TEX14: variants seen among roughly 807,000 people sequenced by gnomAD.
TEX14 encodes testis expressed 14, intercellular bridge forming factor.
TEX14 carries 168 observed loss-of-function variants against 178.6 expected under a neutral mutation model. The observed-to-expected ratio is 0.94, with a 90% CI of 0.83 to 1.07. The LOEUF is 1.07. TEX14 is among the 50% of genes least tolerant of loss of function. The probability of loss-of-function intolerance (pLI) is 0.00; values close to 1 mark genes in which losing one functional copy is unlikely to be tolerated. For missense variants in TEX14, 1,730 were observed against 1,753.6 expected (o/e 0.99, Z 0.24); for synonymous variants, 626 against 634.1 (o/e 0.99, Z 0.19).
intron 21 of TEX14, among the ~76,000 whole-genome samples, 156 bp from the exon 22 acceptor site, chr17:58,574,405 C>G (rs1161670350): frequency 6.6e-6 from 1 of 152,216 alleles, no homozygotes; most frequent in South Asian, 2.1e-4. Flanking sequence ...GTGCCAGGCA[C>G]GTTGGCTCAC....
chr17:58,661,047 G>A (rs201341730), intron 1 of TEX14: 10 of 1,109,964 alleles, frequency 9.0e-6, no homozygotes, highest in African/African-American at 1.5e-5. Context: ...TTATCTGCTT[G>A]ACCACTTTCC....
chr17:58,601,854 G>A lies in TEX14; in HGVS notation c.1630C>T (p.His544Tyr). The A allele has an allele frequency of 6.2e-7, 1 of 1,613,294 alleles. No individual in the cohort carries two copies. The highest frequency in any genetic ancestry group is 8.5e-7 in the Non-Finnish European group (1 of 1,179,922). The change falls in exon 13 of 32, where the codon CAC becomes TAC. Residue 544 changes from histidine to tyrosine, a missense_variant. Physicochemically the swap from His to Tyr is moderately conservative, Grantham distance 83. This residue lies in a region of TEX14 where 789 missense variants were observed against 681.2 expected (regional missense o/e 1.16). Transcript: ENST00000349033. Reference sequence around the variant, plus strand: ...TCCATGTCAGGTGTCTCTCTGGGGTGTTCTGAAGTCAGTCCTAGATAGACA... The same window carrying A: ...TCCATGTCAGGTGTCTCTCTGGGGTATTCTGAAGTCAGTCCTAGATAGACA... ...VNVYLGLTSE[H>Y]PRETPDMEII... is the part of the protein sequence containing the mutation.
At chr17:58,659,217 A>C (rs979389059) in intron 1 of TEX14, 81 of 398,196 alleles carry the variant, frequency 2.0e-4, no homozygotes, top group Non-Finnish European at 2.7e-4. Flanking sequence ...ATTCGGGGAA[A>C]TCGCGGGAGC....
At position 58,572,006 on chromosome 17, in the gene TEX14, T is replaced by C. The variant is rs746156882; in HGVS notation, c.3632A>G (p.Asp1211Gly). 2 of 1,613,994 alleles carry C rather than the reference T, an allele frequency of 1.2e-6. No individual in the cohort carries two copies. The highest frequency in any genetic ancestry group is 1.7e-6 in the Non-Finnish European group (2 of 1,180,016). Reference sequence around the variant, plus strand: ...TGCTCTCTCTCGGACACTTATAAAGTCATCAGACAAAGTTTGAATAAATTC... The same window carrying C: ...TGCTCTCTCTCGGACACTTATAAAGCCATCAGACAAAGTTTGAATAAATTC... ...SQEFIQTLSD[D>G]FISVRERAKK... The change falls in exon 24 of 32, where the codon GAC (aspartate) becomes GGC (glycine). Residue 1211 changes from aspartate to glycine, a missense_variant. Physicochemically the swap from Asp to Gly is moderately conservative, Grantham distance 94. This residue lies in a region of TEX14 where 941 missense variants were observed against 1,072.4 expected (regional missense o/e 0.88). Transcript: ENST00000349033.
At chr17:58,613,939 T>C (rs2045810347) in intron 8 of TEX14, among the ~76,000 whole-genome samples, 3 of 151,882 alleles carry the variant, frequency 2.0e-5, no homozygotes, top group African/African-American at 7.2e-5. Flanking sequence ...AGTGCTGGGA[T>C]TACAGGCGTG....
chr17:58,587,785 C>T (rs1267712998), intron 16 of TEX14, 111 bp downstream of exon 16: 1 of 1,167,918 alleles, frequency 8.6e-7, no homozygotes, highest in Non-Finnish European at 1.3e-6. Flanking sequence ...CTGTTCCCTA[C>T]TCCCTAAGCC....
At chr17:58,630,587 T>C in intron 2 of TEX14, 33 bp from the exon 3 acceptor site, 1 of 1,507,086 alleles carries the variant, frequency 6.6e-7, no homozygotes, top group South Asian at 1.1e-5. Flanking sequence ...AATGCAAATA[T>C]CAGAAAATTT....
At chr17:58,659,254 A>G (rs1018262834) in intron 1 of TEX14, 3 of 772,138 alleles carry the variant, frequency 3.9e-6, no homozygotes, top group Admixed American at 1.2e-4. Flanking sequence ...CCCTCCCCCA[A>G]GAAAAACACT....
intron 5 of TEX14, 50 bp from the exon 6 acceptor site, chr17:58,617,669 C>A: frequency 7.4e-7 from 1 of 1,347,184 alleles, no homozygotes; most frequent in South Asian, 1.2e-5. Flanking sequence ...CCACTCATAT[C>A]CAGAATAATA....
rs56188180 is a variant in TEX14, at chr17:58,630,556, T to G, written c.137-2A>C. ...AGTTAACTGCATCAACATAAATTCC[T>G]GCAAAGGAAATATCAGAATCAATGC... On this transcript the variant is annotated splice_acceptor_variant, in intron 2 of 31. Transcript: ENST00000349033. LOFTEE classifies it high-confidence loss of function. 1.2e-6 allele frequency: 2 copies of G among 1,608,196 alleles called. No homozygotes were observed. The highest frequency in any genetic ancestry group is 1.7e-6 in the Non-Finnish European group (2 of 1,174,740).
chr17:58,579,850 T>A, intron 19 of TEX14, 119 bp from the exon 20 acceptor site: 3 of 814,944 alleles, frequency 3.7e-6, no homozygotes, highest in East Asian at 5.1e-5. Context: ...CCCTGCATCT[T>A]TATAGAAAAA....
At position 58,564,956 on chromosome 17, in the gene TEX14, A is replaced by C. The variant is rs1567989966; in HGVS notation, c.3977T>G (p.Leu1326Ter). 2 of 1,595,822 alleles carry C rather than the reference A, an allele frequency of 1.3e-6. No homozygotes were observed. The highest frequency in any genetic ancestry group is 8.5e-7 in the Non-Finnish European group (1 of 1,170,232). ...TTTACTGTCAGTTTCTTGTTCTTCTAAGTGCCTTTGATCTAAAAACAGTTG... is the reference window on the plus strand; with the variant it reads ...TTTACTGTCAGTTTCTTGTTCTTCTCAGTGCCTTTGATCTAAAAACAGTTG... ...GGGTANDQRH[L>*]EEQETDSKKE... is the part of the protein sequence containing the mutation. The change falls in exon 28 of 32, where the codon TTA becomes TGA. Residue 1326 changes from leucine to a stop codon, truncating the protein, a stop_gained. Coordinates refer to ENST00000349033, the MANE Select transcript of TEX14 (RefSeq NM_031272.5). LOFTEE classifies it high-confidence loss of function.
At chr17:58,584,980 C>T (rs894635180) in intron 18 of TEX14, among the ~76,000 whole-genome samples, 3 of 152,040 alleles carry the variant, frequency 2.0e-5, no homozygotes, top group African/African-American at 7.3e-5. Flanking sequence ...AATATACAGC[C>T]TTCATTTTTT....
chr17:58,683,537 C>T (rs1254680502), intron 1 of TEX14, among the ~76,000 whole-genome samples: 2 of 150,362 alleles, frequency 1.3e-5, no homozygotes, highest in East Asian at 2.0e-4. Context: ...CTGAGGCAGG[C>T]GGATAACCTG....
intron 1 of TEX14, among the ~76,000 whole-genome samples, chr17:58,668,652 G>T (rs2047252463): frequency 6.6e-6 from 1 of 152,170 alleles, no homozygotes; most frequent in Non-Finnish European, 1.5e-5. Context: ...GGTAGAGAAG[G>T]AATTAAAATC....
chr17:58,683,636 G>A (rs987520586), intron 1 of TEX14, among the ~76,000 whole-genome samples: 1 of 151,444 alleles, frequency 6.6e-6, no homozygotes, highest in Non-Finnish European at 1.5e-5. Flanking sequence ...AGTGGCTCAC[G>A]CCCGTAATCC....
intron 26 of TEX14, among the ~76,000 whole-genome samples, chr17:58,567,025 G>C (rs2044415279): frequency 6.6e-6 from 1 of 151,120 alleles, no homozygotes; most frequent in African/African-American, 2.4e-5. Flanking sequence ...AAATTAGCCA[G>C]GCATGGTGGC....
chr17:58,647,572 G>T (rs541593812), intron 2 of TEX14, among the ~76,000 whole-genome samples: 2 of 150,446 alleles, frequency 1.3e-5, no homozygotes, highest in Non-Finnish European at 3.0e-5. Flanking sequence ...GCCTCTCAAG[G>T]AGGGGAAGGA....
At chr17:58,581,442 A>G (rs1232169001) in intron 19 of TEX14, among the ~76,000 whole-genome samples, 1 of 152,240 alleles carries the variant, frequency 6.6e-6, no homozygotes, top group Admixed American at 6.5e-5. Flanking sequence ...GATGTTTTTC[A>G]AAACACGTAT....
Sources: gnomAD v4.1 joint callset for allele counts (sites outside exome capture counted in the v4.1 genomes callset) on GRCh38, gnomAD v4.1.1 for gene constraint, gnomAD v4.1.1 regional missense constraint, MANE v1.5 for transcripts, NCBI Gene and HGNC (gene_info 2026-07-23, HGNC 2026-07-21) for gene names.